Variants in CCDC192 observed in about 807,000 individuals in gnomAD.
CCDC192 encodes the protein coiled-coil domain-containing protein 192.
chr5:127,875,639 TG>T lies in CCDC192; in HGVS notation c.514del (p.Glu172LysfsTer31). ...ELNEKIKTLY[E>X]GKPAPREDSL... is the part of the protein sequence containing the mutation. ...TCAATGAGAAGATAAAGACTCTATA[TG>T]AAGGAAAGCCAGCCCCTAGAGGTCA... is the stretch of plus-strand genomic sequence containing the variant. On this transcript the variant is annotated frameshift_variant, in exon 6 of 7. Coordinates refer to ENST00000514853, the MANE Select transcript of CCDC192 (RefSeq NM_001317938.2). LOFTEE classifies it low-confidence loss of function (END_TRUNC). The T allele has an allele frequency of 2.5e-6, 1 of 398,742 alleles. No homozygotes were observed. The highest frequency in any genetic ancestry group is 4.4e-6 in the Non-Finnish European group (1 of 225,980). The allele number at this position is 398,742 out of a possible 1,614,324, so 24.7% of individuals were successfully genotyped here. A position where few individuals can be genotyped will look rare whatever the true frequency, so the allele number is the denominator to read the frequency against.
At chr5:127,828,404 A>G (rs1187987360) in intron 5 of CCDC192, among the ~76,000 whole-genome samples, 1 of 152,234 alleles carries the variant, frequency 6.6e-6, no homozygotes, top group African/African-American at 2.4e-5. Context: ...TAACAAAAAG[A>G]CAAAAGAGGT....
intron 5 of CCDC192, among the ~76,000 whole-genome samples, chr5:127,871,695 G>T (rs1253444323): frequency 6.6e-6 from 1 of 152,110 alleles, no homozygotes; most frequent in Non-Finnish European, 1.5e-5. Context: ...TGGCAACTTT[G>T]TGTTGACGCT....
At chr5:127,886,056 A>T (rs1580795537) in intron 6 of CCDC192, among the ~76,000 whole-genome samples, 1 of 152,302 alleles carries the variant, frequency 6.6e-6, no homozygotes, top group Admixed American at 6.5e-5. Flanking sequence ...GGCAAGCATA[A>T]GAAACAGGTC....
intron 2 of CCDC192, among the ~76,000 whole-genome samples, chr5:127,749,927 G>A (rs1433626674): frequency 6.6e-6 from 1 of 152,022 alleles, no homozygotes; most frequent in African/African-American, 2.4e-5. Flanking sequence ...TTCTCTGATG[G>A]TAGTTTGTAT....
chr5:127,727,577 A>G (rs764455607), intron 2 of CCDC192, among the ~76,000 whole-genome samples: 10 of 152,204 alleles, frequency 6.6e-5, no homozygotes, highest in Non-Finnish European at 1.3e-4. Context: ...CAGCAGCCTC[A>G]AAGATCAAAA....
At chr5:127,838,144 T>C (rs934266991) in intron 5 of CCDC192, among the ~76,000 whole-genome samples, 2 of 152,246 alleles carry the variant, frequency 1.3e-5, no homozygotes, top group African/African-American at 2.4e-5. Flanking sequence ...TTCATCTCCC[T>C]GACTCCTACA....
chr5:127,740,990 G>T (rs189790555), intron 2 of CCDC192, among the ~76,000 whole-genome samples: 10 of 152,252 alleles, frequency 6.6e-5, no homozygotes, highest in African/African-American at 9.6e-5. Flanking sequence ...AAACGTATTT[G>T]CAGTATTTTA....
chr5:127,921,600 T>C (rs140529296), intron 6 of CCDC192, among the ~76,000 whole-genome samples: 179 of 152,342 alleles, frequency 1.2e-3, no homozygotes, highest in African/African-American at 3.8e-3. Flanking sequence ...AATCATAGAA[T>C]TGTAGAGTCA....
chr5:127,843,836 C>T (rs1438487720), intron 5 of CCDC192, among the ~76,000 whole-genome samples: 1 of 152,208 alleles, frequency 6.6e-6, no homozygotes, highest in Non-Finnish European at 1.5e-5. Context: ...TTCTTTTCCC[C>T]TTCCTTCATG....
At chr5:127,823,247 C>A (rs1749378347) in intron 5 of CCDC192, among the ~76,000 whole-genome samples, 1 of 152,194 alleles carries the variant, frequency 6.6e-6, no homozygotes, top group Admixed American at 6.5e-5. Context: ...CTTTTCAAAT[C>A]TGTGGGTACA....
At chr5:127,813,041 G>T (rs563283789) in intron 5 of CCDC192, among the ~76,000 whole-genome samples, 1 of 152,106 alleles carries the variant, frequency 6.6e-6, no homozygotes, top group African/African-American at 2.4e-5. Flanking sequence ...TGATTTTACC[G>T]TTTCTTTGAC....
At chr5:127,862,215 C>T (rs747081299) in intron 5 of CCDC192, among the ~76,000 whole-genome samples, 2 of 152,184 alleles carry the variant, frequency 1.3e-5, no homozygotes, top group African/African-American at 2.4e-5. Context: ...TTCAACAAAT[C>T]TCTTTCTCTC....
intron 6 of CCDC192, among the ~76,000 whole-genome samples, chr5:127,923,377 C>CT (rs746234133): frequency 4.2e-3 from 595 of 142,308 alleles, no homozygotes; most frequent in African/African-American, 6.6e-3. Context: ...TTTCATTAGT[C>CT]TTTTTTTTTT....
At chr5:127,719,906 G>C (rs1364339009) in intron 2 of CCDC192, among the ~76,000 whole-genome samples, 1 of 151,616 alleles carries the variant, frequency 6.6e-6, no homozygotes, top group African/African-American at 2.4e-5. Flanking sequence ...AGAACAGCAA[G>C]GGGGATGTCC....
intron 2 of CCDC192, among the ~76,000 whole-genome samples, chr5:127,711,010 T>C (rs1346898877): frequency 6.6e-6 from 1 of 152,344 alleles, no homozygotes; most frequent in Middle Eastern, 3.4e-3. Flanking sequence ...TCTGACAGAA[T>C]AGCTAGTGCA....
At chr5:127,827,069 T>A (rs1245197162) in intron 5 of CCDC192, among the ~76,000 whole-genome samples, 1 of 152,198 alleles carries the variant, frequency 6.6e-6, no homozygotes, top group Non-Finnish European at 1.5e-5. Context: ...GGATCATGAT[T>A]TGTGTAGTGG....
chr5:127,876,985 T>G (rs929651781), intron 6 of CCDC192, among the ~76,000 whole-genome samples: 4 of 152,224 alleles, frequency 2.6e-5, no homozygotes, highest in African/African-American at 9.6e-5. Flanking sequence ...TCACAGAATA[T>G]TATCCATTTA....
intron 5 of CCDC192, among the ~76,000 whole-genome samples, chr5:127,859,659 C>T (rs992862504): frequency 6.6e-6 from 1 of 152,082 alleles, no homozygotes; most frequent in Non-Finnish European, 1.5e-5. Context: ...AGCTGCTCTC[C>T]CATTCTCTCT....
At chr5:127,776,554 A>G (rs1326027852) in intron 3 of CCDC192, among the ~76,000 whole-genome samples, 2 of 152,348 alleles carry the variant, frequency 1.3e-5, no homozygotes, top group African/African-American at 4.8e-5. Context: ...AGAAATTTGC[A>G]TAAGTAATGA....
Sources: allele counts gnomAD v4.1 joint callset (sites outside exome capture counted in the v4.1 genomes callset), GRCh38; gene constraint gnomAD v4.1.1; transcripts MANE v1.5; gene names NCBI Gene and HGNC (gene_info 2026-07-23, HGNC 2026-07-21).